TTC39C: variants seen among roughly 807,000 people sequenced by gnomAD.
The protein encoded by TTC39C is tetratricopeptide repeat protein 39C.
TTC39C carries 33 observed loss-of-function variants against 76.3 expected under a neutral mutation model. The observed-to-expected ratio is 0.43, with a 90% CI of 0.33 to 0.58. The LOEUF is 0.58. Ranked by LOEUF, TTC39C falls within the 20% of genes least tolerant of loss-of-function variation. TTC39C has a pLI of 0.04. For missense variants in TTC39C, 595 were observed against 701.4 expected, an observed-to-expected ratio of 0.85 and a Z score of 1.71; for synonymous variants, 254 against 260.6, an observed-to-expected ratio of 0.97 and a Z score of 0.24.
chr18:23,998,320 A>AAGCGGGT (rs2083285034), intron 1 of TTC39C, among the ~76,000 whole-genome samples: 1 of 152,154 alleles, frequency 6.6e-6, no homozygotes, highest in African/African-American at 2.4e-5. Flanking sequence ...ACCTACTGGA[A>AAGCGGGT]CCTAATTTTA....
chr18:24,033,090 TA>T (rs1441286937), intron 1 of TTC39C, among the ~76,000 whole-genome samples: 1 of 152,124 alleles, frequency 6.6e-6, no homozygotes, highest in African/African-American at 2.4e-5. Context: ...CTGTCTCTGC[TA>T]AAAATACAAA....
At chr18:24,086,168 A>G (rs2084437130) in intron 6 of TTC39C, among the ~76,000 whole-genome samples, 1 of 152,078 alleles carries the variant, frequency 6.6e-6, no homozygotes, top group African/African-American at 2.4e-5. Flanking sequence ...GGGCCCCTTG[A>G]GCTCTTTTTA....
rs1411555126 is a variant in TTC39C, at chr18:24,130,468, A to G, written c.1623+51A>G. 5 of 725,826 alleles carry G rather than the reference A, an allele frequency of 6.9e-6. No individual in the cohort carries two copies. The South Asian group carries it at 2.7e-4, about 39-fold the overall frequency. The allele number at this position is 725,826 out of a possible 1,614,324, so 45.0% of individuals were successfully genotyped here. On this transcript the variant is annotated intron_variant, in intron 12 of 13. Transcript: ENST00000317571. ...TATATATTTTTAATGTTGTTCAACA[A>G]AAATGTGGAAGTGGGCAAGCACAAA...
chr18:24,034,626 A>T (rs2083711725), intron 1 of TTC39C, among the ~76,000 whole-genome samples: 1 of 114,514 alleles, frequency 8.7e-6, no homozygotes, highest in South Asian at 2.4e-4. Context: ...GTACCCATTA[A>T]ACAATAATTT....
In TTC39C at chr18:24,080,671, T is replaced by C. The variant is rs368153817; in HGVS notation, c.547T>C (p.Tyr183His). 18 of 1,614,084 alleles carry C rather than the reference T, an allele frequency of 1.1e-5. No homozygotes were observed. Among genetic ancestry groups the C allele is most frequent in the African/African-American group, 4.0e-5 (3 of 74,946 alleles). ...YLDINALQELYQKKLTEESLT... is the reference protein window; with the variant it reads ...YLDINALQELHQKKLTEESLT... ...GGACATCAATGCCCTTCAGGAGCTGTATCAGAAGAAGCTAACTGAAGAGTC... is the reference window on the plus strand; with the variant it reads ...GGACATCAATGCCCTTCAGGAGCTGCATCAGAAGAAGCTAACTGAAGAGTC... The change falls in exon 5 of 14, where the codon TAT becomes CAT. Residue 183 changes from tyrosine to histidine, a missense_variant. Tyr to His is a moderately conservative substitution (Grantham distance 83). Transcript: ENST00000317571.
chr18:24,079,004 T>G (rs2084342202), intron 4 of TTC39C, among the ~76,000 whole-genome samples: 1 of 152,212 alleles, frequency 6.6e-6, no homozygotes, highest in African/African-American at 2.4e-5. Flanking sequence ...ATTGGGTTTT[T>G]GTAAATCAGA....
chr18:24,020,896 AT>A (rs1346862804), intron 1 of TTC39C, among the ~76,000 whole-genome samples: 8 of 152,140 alleles, frequency 5.3e-5, no homozygotes, highest in East Asian at 3.9e-4. Context: ...TTTGATGAGG[AT>A]TTTTTTTTTA....
At chr18:24,089,780 C>A (rs2084494891) in intron 6 of TTC39C, among the ~76,000 whole-genome samples, 1 of 152,100 alleles carries the variant, frequency 6.6e-6, no homozygotes, top group African/African-American at 2.4e-5. Context: ...ACCTTTCTAG[C>A]AATATTGCTA....
At chr18:24,102,781 C>G (rs1022463877) in intron 6 of TTC39C, among the ~76,000 whole-genome samples, 2 of 152,110 alleles carry the variant, frequency 1.3e-5, no homozygotes, top group African/African-American at 4.8e-5. Context: ...ATGATGAGAC[C>G]GGGATAAGCT....
intron 6 of TTC39C, among the ~76,000 whole-genome samples, chr18:24,099,538 A>G (rs1215169228): frequency 6.6e-6 from 1 of 151,948 alleles, no homozygotes; most frequent in Non-Finnish European, 1.5e-5. Flanking sequence ...TAACTTAGCA[A>G]TTAATATATA....
chr18:24,045,646 A>G (rs958296338), intron 1 of TTC39C, among the ~76,000 whole-genome samples: 7 of 152,038 alleles, frequency 4.6e-5, no homozygotes. Flanking sequence ...AGGTGCTCAA[A>G]AAATGTTTGT....
At chr18:24,090,752 A>C (rs892240842) in intron 6 of TTC39C, among the ~76,000 whole-genome samples, 6 of 150,570 alleles carry the variant, frequency 4.0e-5, no homozygotes, top group Admixed American at 1.3e-4. Flanking sequence ...AGACATATGG[A>C]TCAGTGAGAA....
chr18:24,063,716 G>A (rs1014605011), intron 1 of TTC39C, among the ~76,000 whole-genome samples: 1 of 151,996 alleles, frequency 6.6e-6, no homozygotes, highest in African/African-American at 2.4e-5. Context: ...GTTTTGTCAT[G>A]TTGGCTAGGC....
At chr18:24,108,435 G>A (rs929939804) in intron 6 of TTC39C, among the ~76,000 whole-genome samples, 3 of 152,064 alleles carry the variant, frequency 2.0e-5, no homozygotes, top group Admixed American at 6.6e-5. Flanking sequence ...TACTCTTTTC[G>A]CAACTCTAGA....
At chr18:24,065,725 A>C (rs962888027) in intron 2 of TTC39C, among the ~76,000 whole-genome samples, 2 of 152,194 alleles carry the variant, frequency 1.3e-5, no homozygotes, top group African/African-American at 4.8e-5. Context: ...AATCATAGAG[A>C]ATTTTTGTTA....
rs1555779358 is a variant in TTC39C, at chr18:24,134,257, G to GTTGTTTTTTT, written c.*1685_*1686insGTTTTTTTTT. ...TGGTGCCCAAAAATATTGGACATCT[G>GTTGTTTTTTT]TTTTTTGTTTTTTTTTTTTTTTTTT... On this transcript the variant is annotated 3_prime_UTR_variant, in exon 14 of 14. Coordinates refer to ENST00000317571, the MANE Select transcript of TTC39C (RefSeq NM_001135993.2). 40 of 48,722 alleles carry GTTGTTTTTTT rather than the reference G, an allele frequency of 8.2e-4. 7 individuals are homozygous for GTTGTTTTTTT. The highest frequency in any genetic ancestry group is 2.0e-3 in the African/African-American group (33 of 16,744). The allele number at this position is 48,722 out of a possible 1,614,324, so 3.0% of individuals were successfully genotyped here. A position where few individuals can be genotyped will look rare whatever the true frequency, so the allele number is the denominator to read the frequency against.
Position 24,132,833 on chromosome 18 carries a change from C to A in TTC39C, c.*259C>A. ...AGAGGGTTAAGTGACCTTGCTCAAA[C>A]GTTTTAGTTTTGTGATTTATTATTT... is the stretch of plus-strand genomic sequence containing the variant. On this transcript the variant is annotated 3_prime_UTR_variant, in exon 14 of 14. Transcript: ENST00000317571. The A allele has an allele frequency of 6.0e-6, 2 of 335,872 alleles. No individual in the cohort carries two copies. The highest frequency in any genetic ancestry group is 5.3e-6 in the Non-Finnish European group (1 of 187,378). The allele number at this position is 335,872 out of a possible 1,614,324, so 20.8% of individuals were successfully genotyped here. A position where few individuals can be genotyped will look rare whatever the true frequency, so the allele number is the denominator to read the frequency against.
chr18:24,007,545 G>A (rs1021850076), intron 1 of TTC39C, among the ~76,000 whole-genome samples: 10 of 151,976 alleles, frequency 6.6e-5, no homozygotes, highest in African/African-American at 2.4e-4. Flanking sequence ...CACCAGGCCT[G>A]GCTAGTTTTT....
intron 1 of TTC39C, among the ~76,000 whole-genome samples, chr18:24,061,036 A>G (rs528203922): frequency 6.6e-6 from 1 of 152,276 alleles, no homozygotes. Flanking sequence ...TTAACTCAGT[A>G]TTACTGTGAA....
Sources: allele counts gnomAD v4.1 joint callset (sites outside exome capture counted in the v4.1 genomes callset), GRCh38; gene constraint gnomAD v4.1.1; transcripts MANE v1.5; gene names NCBI Gene and HGNC (gene_info 2026-07-23, HGNC 2026-07-21).